The following MCMBP variants were observed in gnomAD, a reference collection of about 807,000 sequenced individuals.
MCMBP encodes mini-chromosome maintenance complex-binding protein.
In MCMBP, 31 loss-of-function variants were observed where a neutral mutation model predicts 81.3. That is an observed-to-expected ratio of 0.38 (90% CI 0.29 to 0.51). MCMBP has a LOEUF of 0.51. MCMBP is among the 20% of genes least tolerant of loss of function. The pLI, the probability that MCMBP is intolerant of heterozygous loss-of-function variation, is 0.87. For missense variants in MCMBP, 645 were observed against 772.1 expected (o/e 0.84, Z 1.95); for synonymous variants, 267 against 275.9 (o/e 0.97, Z 0.32).
upstream of MCMBP, among the ~76,000 whole-genome samples, chr10:119,873,261 G>A (rs141934452): frequency 2.8e-4 from 42 of 152,182 alleles, no homozygotes; most frequent in East Asian, 7.9e-3. Context: ...TTTTGCTGAT[G>A]GCAGCACTTT....
chr10:119,871,569 C>G (rs1853674915), intron 1 of MCMBP, among the ~76,000 whole-genome samples: 1 of 152,078 alleles, frequency 6.6e-6, no homozygotes, highest in Non-Finnish European at 1.5e-5. Context: ...ACATTGTTTG[C>G]CGTCGATTTT....
chr10:119,834,401 C>T (rs1852161385), intron 14 of MCMBP, among the ~76,000 whole-genome samples: 1 of 152,114 alleles, frequency 6.6e-6, no homozygotes, highest in African/African-American at 2.4e-5. Context: ...CAGTAGAAAC[C>T]AGAGGCCAGA....
At chr10:119,871,951 C>A (rs1464642181) in intron 1 of MCMBP, among the ~76,000 whole-genome samples, 1 of 152,160 alleles carries the variant, frequency 6.6e-6, no homozygotes, top group African/African-American at 2.4e-5. Context: ...AGGAGCAGAT[C>A]CAGACTAGAT....
chr10:119,854,678 C>T (rs981691930), intron 5 of MCMBP, among the ~76,000 whole-genome samples: 6 of 151,742 alleles, frequency 4.0e-5, no homozygotes, highest in Admixed American at 2.0e-4. Context: ...AATTGCTGGC[C>T]GGGCATAGTG....
At chr10:119,842,993 TC>T in intron 9 of MCMBP, 2 of 417,366 alleles carry the variant, frequency 4.8e-6, no homozygotes, top group Non-Finnish European at 9.0e-6. Flanking sequence ...CCTCAGGTGA[TC>T]CACCCACCTT....
At chr10:119,834,500 TA>T (rs1473329509) in intron 14 of MCMBP, among the ~76,000 whole-genome samples, 2 of 151,944 alleles carry the variant, frequency 1.3e-5, no homozygotes, top group South Asian at 2.1e-4. Flanking sequence ...AAGGAGAAAT[TA>T]AGACATTCCC....
At chr10:119,842,765 T>G in intron 9 of MCMBP, 170 bp from the exon 10 acceptor site, 3 of 631,678 alleles carry the variant, frequency 4.7e-6, no homozygotes, top group African/African-American at 1.9e-5. Context: ...GTTTGCATCC[T>G]CCTTTTTTTT....
At chr10:119,849,399 G>A (rs1259406138) in intron 7 of MCMBP, 26 bp downstream of exon 7, 1 of 1,594,800 alleles carries the variant, frequency 6.3e-7, no homozygotes, top group Admixed American at 1.8e-5. Flanking sequence ...ACATTTCAGT[G>A]TTGGATCTAC....
At chr10:119,848,680 C>T (rs983399563) in intron 7 of MCMBP, among the ~76,000 whole-genome samples, 13 of 152,026 alleles carry the variant, frequency 8.6e-5, no homozygotes, top group African/African-American at 3.1e-4. Context: ...GGATAGAAAT[C>T]CTTAACAATC....
chr10:119,842,767 CT>C (rs71019726), intron 9 of MCMBP, 172 bp from the exon 10 acceptor site: 97,025 of 479,614 alleles, frequency 0.2, 1,254 homozygotes, highest in Non-Finnish European at 0.23. Context: ...TTGCATCCTC[CT>C]TTTTTTTTTT....
At chr10:119,850,609 C>T (rs889911997) in intron 6 of MCMBP, among the ~76,000 whole-genome samples, 3 of 151,308 alleles carry the variant, frequency 2.0e-5, no homozygotes, top group Admixed American at 6.6e-5. Flanking sequence ...ATTAGCCAGG[C>T]GTGGTGATGG....
intron 1 of MCMBP, among the ~76,000 whole-genome samples, chr10:119,864,830 T>C (rs1392996369): frequency 6.6e-6 from 1 of 152,246 alleles, no homozygotes; most frequent in Non-Finnish European, 1.5e-5. Context: ...TGAGTTTTCA[T>C]TTTGGTTTAG....
intron 5 of MCMBP, among the ~76,000 whole-genome samples, chr10:119,855,008 G>C (rs1852978409): frequency 6.6e-6 from 1 of 150,730 alleles, no homozygotes; most frequent in African/African-American, 2.4e-5. Context: ...TATCGCTAAA[G>C]GAAATGATGC....
intron 6 of MCMBP, among the ~76,000 whole-genome samples, chr10:119,852,464 C>T (rs1852868813): frequency 6.6e-6 from 1 of 152,188 alleles, no homozygotes; most frequent in Non-Finnish European, 1.5e-5. Flanking sequence ...CACCTGAGCC[C>T]AGGAGTTTGA....
At chr10:119,867,894 G>A (rs1404453822) in intron 1 of MCMBP, among the ~76,000 whole-genome samples, 3 of 152,078 alleles carry the variant, frequency 2.0e-5, no homozygotes, top group Non-Finnish European at 2.9e-5. Flanking sequence ...GACAATAAGG[G>A]CACAGATTGT....
At chr10:119,871,372 T>A (rs1224735257) in intron 1 of MCMBP, among the ~76,000 whole-genome samples, 1 of 152,012 alleles carries the variant, frequency 6.6e-6, no homozygotes, top group Admixed American at 6.6e-5. Flanking sequence ...ATGAAGGTAG[T>A]TTTAAATTTC....
chr10:119,843,489 G>A (rs570474536), intron 8 of MCMBP, 63 bp from the exon 9 acceptor site: 199 of 1,505,744 alleles, frequency 1.3e-4, no homozygotes, highest in Non-Finnish European at 1.7e-4. Context: ...CAAAAATAAT[G>A]TGCATCTTGG....
intron 8 of MCMBP, among the ~76,000 whole-genome samples, chr10:119,847,374 G>A (rs1852652935): frequency 6.6e-6 from 1 of 152,170 alleles, no homozygotes; most frequent in African/African-American, 2.4e-5. Context: ...CTTAGGAAAT[G>A]TTGACAAGCA....
intron 1 of MCMBP, 62 bp downstream of exon 1, chr10:119,872,465 C>A: frequency 9.5e-7 from 1 of 1,047,470 alleles, no homozygotes; most frequent in Non-Finnish European, 1.2e-6. Context: ...CGGCGGGGCC[C>A]TGCCCCGGGG....
Sources: allele counts gnomAD v4.1 joint callset (sites outside exome capture counted in the v4.1 genomes callset), GRCh38; gene constraint gnomAD v4.1.1; transcripts MANE v1.5; gene names NCBI Gene and HGNC (gene_info 2026-07-23, HGNC 2026-07-21).